The following RRBP1 variants were observed in gnomAD, a reference collection of about 807,000 sequenced individuals.
RRBP1 encodes the protein ribosome-binding protein 1.
A neutral mutation model predicts 165.2 loss-of-function variants in RRBP1; 94 were observed. The observed-to-expected ratio is 0.57, with a 90% CI of 0.48 to 0.68. The LOEUF is 0.68. Ranked by LOEUF, RRBP1 falls within the 30% of genes least tolerant of loss-of-function variation. The pLI is 0.00. For synonymous variants in RRBP1, 680 were observed against 714.5 expected (o/e 0.95, Z 0.77); for missense variants, 1,676 against 1,763.0 (o/e 0.95, Z 0.88).
At chr20:17,664,008 T>C (rs758403399) in intron 2 of RRBP1, among the ~76,000 whole-genome samples, 6 of 152,242 alleles carry the variant, frequency 3.9e-5, no homozygotes. Flanking sequence ...GCAGTAATAC[T>C]GAATCCTATA....
intron 3 of RRBP1, among the ~76,000 whole-genome samples, chr20:17,651,192 C>A (rs958025842): frequency 6.6e-6 from 1 of 152,178 alleles, no homozygotes; most frequent in African/African-American, 2.4e-5. Flanking sequence ...TATAATGCTC[C>A]CTGCTCCCCA....
At chr20:17,657,679 CA>C (rs1415465512) in intron 3 of RRBP1, among the ~76,000 whole-genome samples, 1 of 152,134 alleles carries the variant, frequency 6.6e-6, no homozygotes, top group African/African-American at 2.4e-5. Context: ...GAATGACAAA[CA>C]TGAAACAGGA....
chr20:17,618,528 G>A, intron 20 of RRBP1, 68 bp downstream of exon 20: 3 of 1,187,130 alleles, frequency 2.5e-6, no homozygotes, highest in Non-Finnish European at 3.8e-6. Context: ...CGCATGACTG[G>A]CAAATGCATC....
At chr20:17,652,700 AG>A (rs2036579794) in intron 3 of RRBP1, among the ~76,000 whole-genome samples, 1 of 152,154 alleles carries the variant, frequency 6.6e-6, no homozygotes, top group Admixed American at 6.5e-5. Flanking sequence ...CCAGACTGAC[AG>A]GAAGCTCAGC....
At chr20:17,641,716 C>T in intron 5 of RRBP1, 81 bp downstream of exon 5, 9 of 1,545,872 alleles carry the variant, frequency 5.8e-6, no homozygotes, top group Non-Finnish European at 8.0e-6. Context: ...CATCTCGGAG[C>T]CCGGGATCCA....
intron 3 of RRBP1, among the ~76,000 whole-genome samples, chr20:17,655,071 G>A (rs1239700653): frequency 6.6e-6 from 1 of 152,194 alleles, no homozygotes; most frequent in African/African-American, 2.4e-5. Flanking sequence ...TCATCAGTTC[G>A]TTGGAATTCC....
intron 16 of RRBP1, 117 bp from the exon 17 acceptor site, chr20:17,620,924 T>C (rs1199317773): frequency 1.4e-6 from 1 of 730,998 alleles, no homozygotes; most frequent in African/African-American, 1.8e-5. Flanking sequence ...GCTGACTTCA[T>C]GAGCGCCAGC....
At chr20:17,681,405 G>A (rs1463748983) in intron 1 of RRBP1, among the ~76,000 whole-genome samples, 1 of 147,848 alleles carries the variant, frequency 6.8e-6, no homozygotes, top group Non-Finnish European at 1.5e-5. Context: ...CGCGAGCCCT[G>A]CGGCCCCGGC....
intron 22 of RRBP1, 74 bp downstream of exon 22, chr20:17,615,852 C>G: frequency 7.5e-7 from 1 of 1,338,798 alleles, no homozygotes; most frequent in Non-Finnish European, 1.1e-6. Flanking sequence ...CGGGGCAGGG[C>G]TGACCCACTC....
At chr20:17,618,961 A>T in intron 19 of RRBP1, 1 of 385,956 alleles carries the variant, frequency 2.6e-6, no homozygotes. Flanking sequence ...GTTGGAGATG[A>T]TTTTTTTTTT....
chr20:17,634,808 G>C (rs1212212194), intron 7 of RRBP1, among the ~76,000 whole-genome samples: 1 of 152,222 alleles, frequency 6.6e-6, no homozygotes, highest in Non-Finnish European at 1.5e-5. Flanking sequence ...GACAGGCAGA[G>C]GGGAAGGCAG....
chr20:17,660,439 A>G lies in RRBP1; in HGVS notation c.69T>C (p.Ile23=). ...VFGGFMVVSA[I]GIFLVSTFSM... Reference sequence around the variant, plus strand: ...AGAAAGTCGACACCAGGAAGATGCCAATGGCAGAAACAACCATGAATCCTC... The same window carrying G: ...AGAAAGTCGACACCAGGAAGATGCCGATGGCAGAAACAACCATGAATCCTC... Residue 23 remains isoleucine (I), a synonymous_variant, in exon 3 of 25, where the codon ATT becomes ATC. Coordinates refer to ENST00000377813, the MANE Select transcript of RRBP1 (RefSeq NM_001365613.2). 6.2e-7 allele frequency: 1 copy of G among 1,614,176 alleles called. No individual in the cohort carries two copies. The highest frequency in any genetic ancestry group is 1.1e-5 in the South Asian group (1 of 91,076).
intron 5 of RRBP1, among the ~76,000 whole-genome samples, chr20:17,637,297 G>A (rs2036266102): frequency 6.6e-6 from 1 of 152,160 alleles, no homozygotes; most frequent in African/African-American, 2.4e-5. Flanking sequence ...GGTGAACATG[G>A]ATGCCGAGTC....
intron 7 of RRBP1, among the ~76,000 whole-genome samples, chr20:17,633,818 T>C (rs988363626): frequency 1.3e-5 from 2 of 152,332 alleles, no homozygotes; most frequent in South Asian, 4.1e-4. Flanking sequence ...ATATAGTGCA[T>C]GAACCAGAGA....
At chr20:17,668,267 G>A (rs761702247) in intron 2 of RRBP1, among the ~76,000 whole-genome samples, 8 of 151,872 alleles carry the variant, frequency 5.3e-5, no homozygotes, top group African/African-American at 1.2e-4. Context: ...TGGATAACTC[G>A]TTAGACCTAC....
chr20:17,639,221 C>A (rs954566096), intron 5 of RRBP1, among the ~76,000 whole-genome samples: 37 of 152,222 alleles, frequency 2.4e-4, no homozygotes, highest in African/African-American at 8.0e-4. Context: ...GGACAGAGTT[C>A]TCAAGGGCGT....
intron 2 of RRBP1, among the ~76,000 whole-genome samples, chr20:17,678,501 C>T (rs1398666376): frequency 6.6e-6 from 1 of 152,146 alleles, no homozygotes; most frequent in Non-Finnish European, 1.5e-5. Flanking sequence ...TGAAGTGTAT[C>T]AACTGCCACT....
chr20:17,639,894 C>CAAAAAA (rs11476981), intron 5 of RRBP1, among the ~76,000 whole-genome samples: 2 of 98,762 alleles, frequency 2.0e-5, no homozygotes, highest in African/African-American at 3.9e-5. Context: ...ACTCCAGTCT[C>CAAAAAA]AAAAAAAAAA....
intron 8 of RRBP1, among the ~76,000 whole-genome samples, chr20:17,631,613 A>AAGGCCCTCCTGG (rs2036152156): frequency 6.6e-6 from 1 of 152,230 alleles, no homozygotes; most frequent in Non-Finnish European, 1.5e-5. Context: ...GGACTTTCAT[A>AAGGCCCTCCTGG]AGGCCCTCCT....
Sources: gnomAD v4.1 joint callset for allele counts (sites outside exome capture counted in the v4.1 genomes callset) on GRCh38, gnomAD v4.1.1 for gene constraint, MANE v1.5 for transcripts, NCBI Gene and HGNC (gene_info 2026-07-23, HGNC 2026-07-21) for gene names.